The following THOP1 variants were observed in gnomAD, a reference collection of about 807,000 sequenced individuals.
THOP1 encodes thimet oligopeptidase.
In THOP1, 49 loss-of-function variants were observed where a neutral mutation model predicts 71.8. The observed-to-expected ratio is 0.68, with a 90% CI of 0.54 to 0.87. The LOEUF (loss-of-function observed/expected upper bound fraction) is 0.87. THOP1 is among the 40% of genes least tolerant of loss of function. THOP1 has a pLI of 0.00. For synonymous variants in THOP1, 426 were observed against 421.5 expected (o/e 1.01, Z -0.13); for missense variants, 843 against 975.6 (o/e 0.86, Z 1.81).
rs370753737 is a variant in THOP1, at chr19:2,788,950, G to A, written c.17-1471G>A. On this transcript the variant is annotated intron_variant, in intron 1 of 12. Transcript: ENST00000307741. ...TAATTTTTGTATTTTTAGTAGAGAC[G>A]GGGTTTCACCATGTTGTCCAGGCTG... Among the ~76,000 whole-genome samples the A allele has an allele frequency of 9.2e-5, 14 of 152,198 alleles. No individual in the cohort carries two copies. In the South Asian group the frequency reaches 1.7e-3, roughly 18 times the overall value.
At chr19:2,807,850 G>A (rs1916346395) in intron 8 of THOP1, 42 bp downstream of exon 8, 2 of 1,426,890 alleles carry the variant, frequency 1.4e-6, no homozygotes, top group Non-Finnish European at 1.8e-6. Context: ...CCCCGGCCCT[G>A]GGTCTCCTCG....
In THOP1 at chr19:2,807,507, C is replaced by T. The variant is rs753670566; in HGVS notation, c.952C>T (p.Arg318Cys). ...GCGTGCGGTGATTCTGGAGCTGAAG[C>T]GTGCGGAGTGCGAGCGCCGGGGCCT... ...QERAVILELK[R>C]AECERRGLPF... Residue 318 changes from arginine to cysteine, a missense_variant, in exon 8 of 13, where the codon CGT (arginine) becomes TGT (cysteine). Coordinates refer to ENST00000307741, the MANE Select transcript of THOP1 (RefSeq NM_003249.5). The T allele has an allele frequency of 1.1e-5, 18 of 1,611,338 alleles. No individual in the cohort carries two copies. The highest frequency in any genetic ancestry group is 5.3e-5 in the African/African-American group (4 of 74,906).
chr19:2,785,920 C>A (rs527630577), intron 1 of THOP1, among the ~76,000 whole-genome samples: 2 of 152,208 alleles, frequency 1.3e-5, no homozygotes, highest in African/African-American at 4.8e-5. Context: ...GGTCGGGCCC[C>A]GTGGCGGACC....
At position 2,805,233 on chromosome 19, in the gene THOP1, G is replaced by T. The variant is rs773021830; in HGVS notation, c.750+57G>T. On this transcript the variant is annotated intron_variant, in intron 6 of 12. Transcript: ENST00000307741. The surrounding 1 kb of genome is among the most constrained non-coding windows in gnomAD (Gnocchi z 6.6). ...AGTGGGTCTGGAGCTTGTGGGGCCCGTCTGCTCCATGTGTGTGAGGCACCT... is the reference window on the plus strand; with the variant it reads ...AGTGGGTCTGGAGCTTGTGGGGCCCTTCTGCTCCATGTGTGTGAGGCACCT... The T allele has an allele frequency of 2.1e-5, 32 of 1,547,452 alleles. No individual in the cohort carries two copies. In the Admixed American group the frequency reaches 6.2e-4, roughly 30 times the overall value.
At chr19:2,811,499 T>C in intron 11 of THOP1, 99 bp from the exon 12 acceptor site, 1 of 1,473,260 alleles carries the variant, frequency 6.8e-7, no homozygotes, top group Non-Finnish European at 9.1e-7. Context: ...TTCTCCCTGT[T>C]CCGGGCAGGG....
chr19:2,785,739 C>T (rs1279095386), intron 1 of THOP1, 61 bp downstream of exon 1: 8 of 1,327,376 alleles, frequency 6.0e-6, no homozygotes, highest in Non-Finnish European at 7.7e-6. Flanking sequence ...CTCCCGGGGT[C>T]GCGACTTGGG....
At chr19:2,797,237 C>T (rs1344074778) in intron 4 of THOP1, among the ~76,000 whole-genome samples, 1 of 152,120 alleles carries the variant, frequency 6.6e-6, no homozygotes, top group Admixed American at 6.5e-5. Flanking sequence ...TAATGGGGGC[C>T]GGTGGATGGT....
At position 2,801,368 on chromosome 19, in the gene THOP1, G is replaced by A. The variant is rs1435108646; in HGVS notation, c.589+1577G>A. 6.6e-6 allele frequency among the ~76,000 whole-genome samples: 1 copy of A among 152,200 alleles called. No individual in the cohort carries two copies. The highest frequency in any genetic ancestry group is 6.5e-5 in the Admixed American group (1 of 15,276). On this transcript the variant is annotated intron_variant, in intron 5 of 12. Transcript: ENST00000307741. This position sits in a 1 kb window ranked among gnomAD's most constrained non-coding sequence, Gnocchi z 5.1. Reference sequence around the variant, plus strand: ...TTCACGTTTGCCATCCTGCAAACTCGAATGTTTGTGGATTTTGGTGTCTAA... The same window carrying A: ...TTCACGTTTGCCATCCTGCAAACTCAAATGTTTGTGGATTTTGGTGTCTAA...
rs1235555809 is a variant in THOP1, at chr19:2,807,511, C to T, written c.956C>T (p.Ala319Val). 15 of 1,611,476 alleles carry T rather than the reference C, an allele frequency of 9.3e-6. No homozygotes were observed. The highest frequency in any genetic ancestry group is 5.0e-5 in the Admixed American group (3 of 59,938). Residue 319 changes from alanine to valine, a missense_variant, in exon 8 of 13, where the codon GCG (alanine) becomes GTG (valine). By Grantham distance (64) the Ala-to-Val change is moderately conservative. Coordinates refer to ENST00000307741, the MANE Select transcript of THOP1 (RefSeq NM_003249.5). ...ERAVILELKR[A>V]ECERRGLPFD... ...GCGGTGATTCTGGAGCTGAAGCGTG[C>T]GGAGTGCGAGCGCCGGGGCCTGCCC...
intron 6 of THOP1, chr19:2,806,278 G>A (rs1318624447): frequency 6.6e-6 from 1 of 152,660 alleles, no homozygotes; most frequent in Non-Finnish European, 1.5e-5. Context: ...CAGGCCAAGA[G>A]GGCGCACACG....
intron 10 of THOP1, 23 bp from the exon 11 acceptor site, chr19:2,810,617 C>T (rs1302947816): frequency 5.2e-6 from 8 of 1,545,736 alleles, no homozygotes; most frequent in Non-Finnish European, 7.0e-6. Context: ...CAGAGGCCAG[C>T]TCTCTCCTTC....
rs954314925 is a variant in THOP1 at position 2,801,484 on chromosome 19, G to A, written c.589+1693G>A. On this transcript the variant is annotated intron_variant, in intron 5 of 12. Coordinates refer to ENST00000307741, the MANE Select transcript of THOP1 (RefSeq NM_003249.5). This position sits in a 1 kb window ranked among gnomAD's most constrained non-coding sequence, Gnocchi z 5.1. ...TGTGGCCAGGTGACACCGTCATGCG[G>A]GTGGCTAGCGTGTTGGGTGACAGTC... is the stretch of plus-strand genomic sequence containing the variant. Among the ~76,000 whole-genome samples the A allele has an allele frequency of 6.6e-6, 1 of 152,178 alleles. No individual in the cohort carries two copies. The highest frequency in any genetic ancestry group is 2.4e-5 in the African/African-American group (1 of 41,432).
intron 2 of THOP1, among the ~76,000 whole-genome samples, chr19:2,792,897 G>A (rs1401095783): frequency 2.0e-5 from 3 of 151,864 alleles, no homozygotes; most frequent in Admixed American, 2.0e-4. Context: ...CACACTTCAG[G>A]CTGGGTGGCG....
rs149899689 is a variant in THOP1, at chr19:2,799,703, C to G, written c.501C>G (p.Ile167Met). Residue 167 changes from isoleucine to methionine, a missense_variant, in exon 5 of 13, where the codon ATC becomes ATG. Physicochemically the swap from Ile to Met is conservative, Grantham distance 10. Transcript: ENST00000307741. The stretch of plus-strand genomic sequence containing the variant: ...TTTCTCTCCAGAACATCAAACGCAT[C>G]AAGAAGAAGCTGAGCCTTCTGTGCA... ...PRETQENIKR[I>M]KKKLSLLCID... 4 of 1,612,484 alleles carry G rather than the reference C, an allele frequency of 2.5e-6. No individual in the cohort carries two copies. Among genetic ancestry groups the G allele is most frequent in the Non-Finnish European group, 3.4e-6 (4 of 1,179,174 alleles).
chr19:2,788,146 C>T (rs1354162246), intron 1 of THOP1, among the ~76,000 whole-genome samples: 14 of 152,058 alleles, frequency 9.2e-5, no homozygotes, highest in Non-Finnish European at 1.9e-4. Flanking sequence ...GATGTTTTGC[C>T]TTCATACCTC....
chr19:2,790,215 C>T (rs531881384), intron 1 of THOP1, among the ~76,000 whole-genome samples: 114 of 152,318 alleles, frequency 7.5e-4, no homozygotes, highest in African/African-American at 2.5e-3. Flanking sequence ...TCCTAGATGT[C>T]ACCCAGGGTT....
chr19:2,806,468 C>T (rs968771385), intron 6 of THOP1: 8 of 205,226 alleles, frequency 3.9e-5, no homozygotes, highest in African/African-American at 1.4e-4. Context: ...TCCTCGTAAA[C>T]GCCTCACGTG....
intron 12 of THOP1, chr19:2,812,215 T>G: frequency 6.6e-7 from 1 of 1,523,546 alleles, no homozygotes; most frequent in Non-Finnish European, 8.8e-7. Flanking sequence ...CACTATGAAG[T>G]GCGGCCGTTA....
At chr19:2,795,781 A>G (rs550187745) in intron 3 of THOP1, among the ~76,000 whole-genome samples, 28 of 152,154 alleles carry the variant, frequency 1.8e-4, no homozygotes, top group East Asian at 5.8e-4. Flanking sequence ...TTGCAAAACT[A>G]TGGTGTCATC....
Sources: gnomAD v4.1 joint callset for allele counts (sites outside exome capture counted in the v4.1 genomes callset) on GRCh38, gnomAD v4.1.1 for gene constraint, Gnocchi (gnomAD v3.1) non-coding constraint, MANE v1.5 for transcripts, NCBI Gene and HGNC (gene_info 2026-07-23, HGNC 2026-07-21) for gene names.